NR6A1: variants seen among roughly 807,000 people sequenced by gnomAD.
NR6A1 encodes retinoic acid receptor-related testis-associated receptor.
In NR6A1, 7 loss-of-function variants were observed where a neutral mutation model predicts 59.1. The observed-to-expected ratio is 0.12, with a 90% CI of 0.07 to 0.22. NR6A1 has a LOEUF of 0.22. Among genes scored for constraint, NR6A1 ranks in the 10% least tolerant of loss-of-function variants. The pLI is 1.00. For missense variants in NR6A1, 468 were observed against 611.6 expected, an observed-to-expected ratio of 0.77 and a Z score of 2.48; for synonymous variants, 243 against 236.1, an observed-to-expected ratio of 1.03 and a Z score of -0.27.
chr9:124,573,231 G>A, intron 2 of NR6A1, among the ~76,000 whole-genome samples: 1 of 152,194 alleles, frequency 6.6e-6, no homozygotes, highest in Admixed American at 6.5e-5. Flanking sequence ...TGTCTGAAGA[G>A]AGCTGTGAAC....
chr9:124,573,482 G>A (rs1311815084), intron 2 of NR6A1, among the ~76,000 whole-genome samples: 1 of 152,076 alleles, frequency 6.6e-6, no homozygotes, highest in Non-Finnish European at 1.5e-5. Flanking sequence ...AGGCCCCATG[G>A]GACAATCTTT....
At chr9:124,660,513 G>A (rs1412396948) in intron 2 of NR6A1, among the ~76,000 whole-genome samples, 1 of 152,012 alleles carries the variant, frequency 6.6e-6, no homozygotes, top group Non-Finnish European at 1.5e-5. Context: ...GCCACCATTC[G>A]CCCCACTGGA....
At chr9:124,704,842 G>T (rs1301636787) in intron 2 of NR6A1, among the ~76,000 whole-genome samples, 2 of 152,106 alleles carry the variant, frequency 1.3e-5, no homozygotes, top group East Asian at 3.9e-4. Flanking sequence ...AGGCCCAGGA[G>T]ATACACCCAC....
At chr9:124,716,721 T>C (rs1309636488) in intron 2 of NR6A1, among the ~76,000 whole-genome samples, 1 of 152,200 alleles carries the variant, frequency 6.6e-6, no homozygotes, top group Non-Finnish European at 1.5e-5. Flanking sequence ...AACCTCCACC[T>C]TTCAGGTTCA....
At chr9:124,699,025 G>T (rs1346064148) in intron 2 of NR6A1, among the ~76,000 whole-genome samples, 1 of 152,030 alleles carries the variant, frequency 6.6e-6, no homozygotes, top group Non-Finnish European at 1.5e-5. Flanking sequence ...CTGAATTTAA[G>T]TTCAGCTAAG....
chr9:124,754,817 A>G (rs1189523407), intron 1 of NR6A1, among the ~76,000 whole-genome samples: 3 of 152,262 alleles, frequency 2.0e-5, no homozygotes, highest in Non-Finnish European at 4.4e-5. Context: ...AAATTAACTC[A>G]GAAACTTTTG....
intron 4 of NR6A1, among the ~76,000 whole-genome samples, chr9:124,542,363 C>G (rs1178987390): frequency 6.6e-6 from 1 of 152,134 alleles, no homozygotes; most frequent in East Asian, 1.9e-4. Context: ...ATAAGAAATC[C>G]CCCAAACATC....
intron 2 of NR6A1, among the ~76,000 whole-genome samples, chr9:124,701,141 T>G (rs760920363): frequency 2.3e-4 from 35 of 152,170 alleles, no homozygotes; most frequent in Non-Finnish European, 4.3e-4. Flanking sequence ...TATGGTAAGT[T>G]TAACTTTTTA....
intron 1 of NR6A1, among the ~76,000 whole-genome samples, chr9:124,747,429 T>G (rs1237131297): frequency 6.6e-6 from 1 of 152,008 alleles, no homozygotes; most frequent in African/African-American, 2.4e-5. Context: ...AACCTTCTCA[T>G]CCTAGGTTGG....
chr9:124,638,000 T>C (rs1031273691), intron 2 of NR6A1, among the ~76,000 whole-genome samples: 1 of 151,632 alleles, frequency 6.6e-6, no homozygotes, highest in Non-Finnish European at 1.5e-5. Flanking sequence ...ATCCCAGCAC[T>C]GTGGGAGGCT....
intron 1 of NR6A1, among the ~76,000 whole-genome samples, chr9:124,752,083 A>G (rs1008228846): frequency 6.6e-6 from 1 of 152,186 alleles, no homozygotes; most frequent in African/African-American, 2.4e-5. Context: ...AGCCTGGCCA[A>G]AATGGTGAAA....
intron 2 of NR6A1, among the ~76,000 whole-genome samples, chr9:124,589,617 C>T (rs1014169657): frequency 6.6e-6 from 1 of 152,220 alleles, no homozygotes; most frequent in Non-Finnish European, 1.5e-5. Context: ...CTGACTTGTG[C>T]ACATTTTGAG....
chr9:124,547,296 C>T (rs534984926), intron 3 of NR6A1, among the ~76,000 whole-genome samples: 30 of 152,296 alleles, frequency 2.0e-4, no homozygotes, highest in African/African-American at 6.7e-4. Context: ...TACATCAAAG[C>T]TCCACTCAAA....
rs531733935 is a variant in NR6A1, at chr9:124,688,965, G to T, written c.142+44343C>A. Among the ~76,000 whole-genome samples, 28 of 152,202 alleles carry T rather than the reference G, an allele frequency of 1.8e-4. 1 individual carries two copies. In the South Asian group the frequency reaches 5.8e-3, roughly 32 times the overall value. On this transcript the variant is annotated intron_variant, in intron 2 of 9. Transcript: ENST00000487099. Reference sequence around the variant, plus strand: ...CTAATATTCTCATTTTATAGACTCAGGAAACTAAAACGTTATGGGAAATGA... The same window carrying T: ...CTAATATTCTCATTTTATAGACTCATGAAACTAAAACGTTATGGGAAATGA...
At chr9:124,725,140 G>T (rs572062574) in intron 2 of NR6A1, among the ~76,000 whole-genome samples, 17 of 152,276 alleles carry the variant, frequency 1.1e-4, no homozygotes, top group Middle Eastern at 3.4e-3. Flanking sequence ...GCAGACAGGG[G>T]TTATTTGGAA....
At position 124,538,067 on chromosome 9, in the gene NR6A1, G is replaced by A. The variant is rs761554081; in HGVS notation, c.824+25C>T. The A allele has an allele frequency of 3.8e-6, 6 of 1,574,224 alleles. No homozygotes were observed. The South Asian group carries it at 7.1e-5, about 19-fold the overall frequency. On this transcript the variant is annotated intron_variant, in intron 6 of 9. Transcript: ENST00000487099. ...TAGGGACACTTTGAGACTGCAAGGG[G>A]CCAAGAAGGGCGGAGCTCACTCACC...
chr9:124,758,626 C>A (rs1397834200), intron 1 of NR6A1, among the ~76,000 whole-genome samples: 1 of 152,110 alleles, frequency 6.6e-6, no homozygotes, highest in East Asian at 1.9e-4. Flanking sequence ...TACAAATTAT[C>A]ATAACATCAG....
intron 2 of NR6A1, among the ~76,000 whole-genome samples, chr9:124,731,768 A>G (rs192444070): frequency 6.0e-4 from 91 of 152,336 alleles, no homozygotes; most frequent in Non-Finnish European, 2.5e-4. Flanking sequence ...TTATTGTAAC[A>G]ATATAGAATA....
intron 2 of NR6A1, among the ~76,000 whole-genome samples, chr9:124,710,507 C>T (rs1839246475): frequency 6.6e-6 from 1 of 152,166 alleles, no homozygotes; most frequent in South Asian, 2.1e-4. Flanking sequence ...TGAGCCTCAG[C>T]CTAAGGCTAT....
Sources: gnomAD v4.1 joint callset for allele counts (sites outside exome capture counted in the v4.1 genomes callset) on GRCh38, gnomAD v4.1.1 for gene constraint, MANE v1.5 for transcripts, NCBI Gene and HGNC (gene_info 2026-07-23, HGNC 2026-07-21) for gene names.